RAB27B: variants seen among roughly 807,000 people sequenced by gnomAD.
RAB27B encodes ras-related protein Rab-27B.
Under a neutral mutation model 24.6 loss-of-function variants are expected in RAB27B, and 15 were observed. The observed-to-expected ratio is 0.61, with a 90% CI of 0.41 to 0.94. RAB27B has a LOEUF of 0.94. Among genes scored for constraint, RAB27B ranks in the 40% least tolerant of loss-of-function variants. RAB27B has a pLI of 0.00. For synonymous variants in RAB27B, 105 were observed against 92.5 expected (o/e 1.14, Z -0.78); for missense variants, 261 against 266.8 (o/e 0.98, Z 0.15).
chr18:54,804,857 C>T (rs1909720025), intron 2 of RAB27B, among the ~76,000 whole-genome samples: 1 of 12,640 alleles, frequency 7.9e-5, no homozygotes, highest in Non-Finnish European at 3.4e-3. Context: ...TCCTTCCTTC[C>T]TTCCTTTCTT....
intron 2 of RAB27B, among the ~76,000 whole-genome samples, chr18:54,793,832 G>T (rs1451586008): frequency 6.6e-6 from 1 of 152,152 alleles, no homozygotes; most frequent in Admixed American, 6.6e-5. Context: ...GATCTCCTGA[G>T]CCCAGGAGTT....
intron 2 of RAB27B, among the ~76,000 whole-genome samples, chr18:54,730,280 C>A (rs1909687939): frequency 1.3e-5 from 2 of 151,938 alleles, no homozygotes. Context: ...TAACTATGTT[C>A]AAGTGTATTT....
At position 54,843,208 on chromosome 18, in the gene RAB27B, C is replaced by A. The variant is rs1322978459; in HGVS notation, c.-20+14508C>A. Reference sequence around the variant, plus strand: ...GATATTGTGTCAGCAAGGAACATAACCTGCATGGAATTTTTAGTAAAAATA... The same window carrying A: ...GATATTGTGTCAGCAAGGAACATAAACTGCATGGAATTTTTAGTAAAAATA... On this transcript the variant is annotated intron_variant, in intron 1 of 5. Coordinates refer to ENST00000262094, the MANE Select transcript of RAB27B (RefSeq NM_004163.4). Among the ~76,000 whole-genome samples, 4 of 152,100 alleles carry A rather than the reference C, an allele frequency of 2.6e-5. No homozygotes were observed. In the South Asian group the frequency reaches 6.2e-4, roughly 24 times the overall value.
chr18:54,847,811 A>G (rs956386670), intron 1 of RAB27B, among the ~76,000 whole-genome samples: 1 of 152,032 alleles, frequency 6.6e-6, no homozygotes, highest in Non-Finnish European at 1.5e-5. Flanking sequence ...TTTTCCAAAC[A>G]TGGTTATTAA....
chr18:54,722,530 G>A (rs1329032774), intron 2 of RAB27B, among the ~76,000 whole-genome samples: 3 of 152,108 alleles, frequency 2.0e-5, no homozygotes, highest in African/African-American at 4.8e-5. Context: ...AGTTGAGTGC[G>A]ATGCACATGG....
At chr18:54,741,681 T>C (rs1266190903) in intron 2 of RAB27B, among the ~76,000 whole-genome samples, 1 of 152,014 alleles carries the variant, frequency 6.6e-6, no homozygotes, top group Non-Finnish European at 1.5e-5. Flanking sequence ...GTTTGTATTT[T>C]TTGTAGAGAG....
intron 1 of RAB27B, among the ~76,000 whole-genome samples, chr18:54,839,201 A>G (rs564199598): frequency 2.0e-5 from 3 of 152,172 alleles, no homozygotes; most frequent in Non-Finnish European, 4.4e-5. Flanking sequence ...TCAAATTATT[A>G]TCAGCAAAAG....
At chr18:54,852,698 A>G (rs1035434251) in intron 1 of RAB27B, among the ~76,000 whole-genome samples, 4 of 152,184 alleles carry the variant, frequency 2.6e-5, no homozygotes, top group African/African-American at 9.7e-5. Context: ...AAAGGATATA[A>G]TTATAAGTTG....
intron 2 of RAB27B, among the ~76,000 whole-genome samples, chr18:54,817,077 CAA>C (rs909648478): frequency 2.6e-5 from 4 of 152,076 alleles, no homozygotes; most frequent in East Asian, 1.9e-4. Context: ...TTAAAAAAAT[CAA>C]AGTTACTGAA....
At chr18:54,803,980 G>T (rs1219365423) in intron 2 of RAB27B, among the ~76,000 whole-genome samples, 4 of 152,148 alleles carry the variant, frequency 2.6e-5, no homozygotes, top group African/African-American at 9.7e-5. Context: ...TGATGAGGGG[G>T]AAGGTGGATA....
At chr18:54,770,134 C>T (rs946648832) in intron 2 of RAB27B, among the ~76,000 whole-genome samples, 21 of 152,140 alleles carry the variant, frequency 1.4e-4, no homozygotes, top group Admixed American at 7.2e-4. Flanking sequence ...TGTGAGCCAC[C>T]ACACCCAGCC....
chr18:54,808,269 C>A lies in RAB27B; in HGVS notation c.-19-69298C>A, dbSNP rs1034825724. On this transcript the variant is annotated intron_variant, in intron 2 of 4. Transcript: ENST00000586570. The stretch of plus-strand genomic sequence containing the variant: ...ACAGATGACCCTCCAGGGCAGCAGT[C>A]CCCACAGGTTGGGCCAGGATTCTAG... 3.9e-5 allele frequency among the ~76,000 whole-genome samples: 6 copies of A among 152,150 alleles called. No homozygotes were observed. The East Asian group carries it at 1.2e-3, about 29-fold the overall frequency.
rs552723967 is a variant in RAB27B, at chr18:54,894,380, G to C, written c.*4967G>C. On this transcript the variant is annotated 3_prime_UTR_variant, in exon 6 of 6. Transcript: ENST00000262094. The stretch of plus-strand genomic sequence containing the variant: ...CTGACTTTGTCTACAAGGATTATTA[G>C]CAAATTCTGTAGGAGCAAGCATGTC... The C allele has an allele frequency of 6.6e-6, 1 of 152,028 alleles. No homozygotes were observed. The highest frequency in any genetic ancestry group is 1.5e-5 in the Non-Finnish European group (1 of 67,936). The allele number at this position is 152,028 out of a possible 1,614,324, so 9.4% of individuals were successfully genotyped here. A position where few individuals can be genotyped will look rare whatever the true frequency, so the allele number is the denominator to read the frequency against.
chr18:54,746,943 G>A (rs1910268444), intron 2 of RAB27B, among the ~76,000 whole-genome samples: 1 of 152,014 alleles, frequency 6.6e-6, no homozygotes, highest in Non-Finnish European at 1.5e-5. Flanking sequence ...TCTGGCTTAG[G>A]GGCTATGATG....
intron 1 of RAB27B, among the ~76,000 whole-genome samples, chr18:54,835,153 A>G (rs1269365583): frequency 6.6e-6 from 1 of 151,998 alleles, no homozygotes; most frequent in Non-Finnish European, 1.5e-5. Context: ...TATTAAAAAT[A>G]CAAAATGAAA....
At chr18:54,774,455 T>G (rs975875097) in intron 2 of RAB27B, among the ~76,000 whole-genome samples, 2 of 152,224 alleles carry the variant, frequency 1.3e-5, no homozygotes, top group African/African-American at 4.8e-5. Context: ...TACATGGTTT[T>G]CAGGGTAGAA....
At chr18:54,837,120 T>A (rs1000465629) in intron 1 of RAB27B, among the ~76,000 whole-genome samples, 3 of 152,120 alleles carry the variant, frequency 2.0e-5, no homozygotes, top group Admixed American at 2.0e-4. Flanking sequence ...AATAGAGAGT[T>A]ACATGAGCAG....
intron 2 of RAB27B, among the ~76,000 whole-genome samples, chr18:54,744,107 A>T (rs562204104): frequency 6.6e-6 from 1 of 152,214 alleles, no homozygotes; most frequent in Non-Finnish European, 1.5e-5. Flanking sequence ...AATAAATGTT[A>T]TATGAAGAAG....
At chr18:54,776,943 G>A (rs1349720704) in intron 2 of RAB27B, among the ~76,000 whole-genome samples, 1 of 152,118 alleles carries the variant, frequency 6.6e-6, no homozygotes, top group Non-Finnish European at 1.5e-5. Flanking sequence ...TACTCGGGAG[G>A]TTGAGGCAGG....
Sources: allele counts gnomAD v4.1 joint callset (sites outside exome capture counted in the v4.1 genomes callset), GRCh38; gene constraint gnomAD v4.1.1; transcripts MANE v1.5; gene names NCBI Gene and HGNC (gene_info 2026-07-23, HGNC 2026-07-21).